The following ZFAT variants were observed in gnomAD, a reference collection of about 807,000 sequenced individuals.
ZFAT encodes zinc finger and AT-hook domain containing, also known as zinc finger protein ZFAT.
Under a neutral mutation model 117.7 loss-of-function variants are expected in ZFAT, and 64 were observed. The ratio of observed to expected loss-of-function variants is 0.54; its 90% CI spans 0.44 to 0.67. The LOEUF (loss-of-function observed/expected upper bound fraction) is 0.67, where lower values mean the gene tolerates loss of function less well. ZFAT is among the 30% of genes least tolerant of loss of function. ZFAT has a pLI of 0.00. For missense variants in ZFAT, 1,433 were observed against 1,584.5 expected (o/e 0.90, Z 1.62); for synonymous variants, 679 against 615.0 (o/e 1.10, Z -1.54).
At chr8:134,684,568 T>C (rs1833228223) in intron 1 of ZFAT, among the ~76,000 whole-genome samples, 1 of 152,154 alleles carries the variant, frequency 6.6e-6, no homozygotes, top group African/African-American at 2.4e-5. Flanking sequence ...TTCCTGGTAT[T>C]TCTCCTTGAC....
chr8:134,576,689 C>G (rs1049912234), intron 10 of ZFAT, among the ~76,000 whole-genome samples: 1 of 151,906 alleles, frequency 6.6e-6, no homozygotes, highest in African/African-American at 2.4e-5. Context: ...CAAAACAAAA[C>G]TCCATACTTA....
chr8:134,515,581 T>C (rs1024661927), intron 13 of ZFAT, among the ~76,000 whole-genome samples: 2 of 152,248 alleles, frequency 1.3e-5, no homozygotes, highest in African/African-American at 4.8e-5. Flanking sequence ...CTTTTTTTCA[T>C]ATGTTTGTTG....
chr8:134,823,603 G>C, the ZFAT span, among the ~76,000 whole-genome samples: 1 of 152,192 alleles, frequency 6.6e-6, no homozygotes, highest in African/African-American at 2.4e-5. Flanking sequence ...AGGAATTCAG[G>C]CAGGATAGCT....
intron 11 of ZFAT, among the ~76,000 whole-genome samples, chr8:134,549,354 T>G (rs896875781): frequency 6.8e-6 from 1 of 147,894 alleles, no homozygotes; most frequent in East Asian, 2.0e-4. Context: ...GGCAGGAGAA[T>G]GGCGTGAACC....
intron 10 of ZFAT, among the ~76,000 whole-genome samples, 181 bp downstream of exon 10, chr8:134,583,651 T>C (rs1013962368): frequency 6.6e-6 from 1 of 152,140 alleles, no homozygotes; most frequent in Non-Finnish European, 1.5e-5. Flanking sequence ...CTGCTGGAAG[T>C]GAGGCACTGA....
chr8:134,620,163 A>G (rs1253116688), intron 3 of ZFAT, among the ~76,000 whole-genome samples: 2 of 152,238 alleles, frequency 1.3e-5, no homozygotes, highest in Non-Finnish European at 1.5e-5. Flanking sequence ...AAAGGCTTAC[A>G]GGAAGCTCAG....
chr8:134,542,596 A>G (rs968320111), intron 11 of ZFAT, among the ~76,000 whole-genome samples: 1 of 152,232 alleles, frequency 6.6e-6, no homozygotes, highest in Non-Finnish European at 1.5e-5. Flanking sequence ...AATGGCCTCC[A>G]GCTTGATCCA....
chr8:134,816,178 A>G, the ZFAT span, among the ~76,000 whole-genome samples: 105 of 152,352 alleles, frequency 6.9e-4, no homozygotes, highest in African/African-American at 2.4e-3. Flanking sequence ...ATATTACTCT[A>G]CTTTACAGAT....
At chr8:134,655,684 C>T (rs183829593) in intron 2 of ZFAT, among the ~76,000 whole-genome samples, 100 of 152,282 alleles carry the variant, frequency 6.6e-4, no homozygotes, top group African/African-American at 2.3e-3. Flanking sequence ...TAAAATTTCT[C>T]TCTTATCTAC....
the ZFAT span, among the ~76,000 whole-genome samples, chr8:134,759,701 C>T: frequency 7.0e-4 from 106 of 152,066 alleles, no homozygotes; most frequent in African/African-American, 2.2e-3. Context: ...CCCAGCTGGG[C>T]GCGATGGCTT....
At chr8:134,651,003 G>C (rs1831201766) in intron 2 of ZFAT, among the ~76,000 whole-genome samples, 1 of 152,182 alleles carries the variant, frequency 6.6e-6, no homozygotes, top group Admixed American at 6.5e-5. Context: ...ACTGGGATGG[G>C]TACAAACCAA....
chr8:134,592,107 C>T (rs1395285790), intron 7 of ZFAT, among the ~76,000 whole-genome samples: 2 of 152,174 alleles, frequency 1.3e-5, no homozygotes, highest in East Asian at 1.9e-4. Flanking sequence ...TAATCCACTC[C>T]ACGCTCACTT....
chr8:134,678,151 T>C (rs183877640), intron 1 of ZFAT, among the ~76,000 whole-genome samples: 41 of 152,280 alleles, frequency 2.7e-4, no homozygotes, highest in African/African-American at 7.0e-4. Flanking sequence ...AAAGAGGAAG[T>C]CAAATTGTCT....
At chr8:134,495,981 G>C (rs1818407762) in intron 15 of ZFAT, among the ~76,000 whole-genome samples, 1 of 152,076 alleles carries the variant, frequency 6.6e-6, no homozygotes, top group Admixed American at 6.5e-5. Flanking sequence ...CTGATGCCAA[G>C]CATAGAGCCT....
intron 11 of ZFAT, among the ~76,000 whole-genome samples, chr8:134,547,170 T>A (rs984721241): frequency 6.6e-6 from 1 of 152,206 alleles, no homozygotes; most frequent in African/African-American, 2.4e-5. Flanking sequence ...GCCAAACTAG[T>A]GTTCTAGCTA....
chr8:134,734,760 G>A, the ZFAT span, among the ~76,000 whole-genome samples: 4 of 152,174 alleles, frequency 2.6e-5, no homozygotes, highest in Non-Finnish European at 4.4e-5. Context: ...GCAGGTGCTC[G>A]GGAGCAGGGA....
intron 1 of ZFAT, among the ~76,000 whole-genome samples, chr8:134,675,602 G>A (rs771100247): frequency 6.6e-6 from 1 of 152,116 alleles, no homozygotes; most frequent in African/African-American, 2.4e-5. Context: ...GAAATGCAGA[G>A]AACACCCTAA....
At chr8:134,492,362 C>T (rs1053386306) in intron 15 of ZFAT, among the ~76,000 whole-genome samples, 5 of 152,172 alleles carry the variant, frequency 3.3e-5, no homozygotes, top group African/African-American at 1.2e-4. Flanking sequence ...CCCAAATGGC[C>T]AACATCTTCT....
At chr8:134,773,088 C>G in the ZFAT span, among the ~76,000 whole-genome samples, 2 of 62,940 alleles carry the variant, frequency 3.2e-5, no homozygotes, top group Non-Finnish European at 6.3e-5. Flanking sequence ...AGCAAAATCC[C>G]AATTCAAAAA....
Sources: gnomAD v4.1 joint callset for allele counts (sites outside exome capture counted in the v4.1 genomes callset) on GRCh38, gnomAD v4.1.1 for gene constraint, MANE v1.5 for transcripts, NCBI Gene and HGNC (gene_info 2026-07-23, HGNC 2026-07-21) for gene names.